TRHDE: variants seen among roughly 807,000 people sequenced by gnomAD.
The protein encoded by TRHDE is thyrotropin releasing hormone degrading enzyme.
TRHDE carries 72 observed loss-of-function variants against 125.7 expected under a neutral mutation model. The ratio of observed to expected loss-of-function variants is 0.57; its 90% CI spans 0.47 to 0.70. TRHDE has a LOEUF of 0.70. TRHDE is among the 30% of genes least tolerant of loss of function. TRHDE has a pLI of 0.00. For synonymous variants in TRHDE, 509 were observed against 509.1 expected (o/e 1.00, Z 0.00); for missense variants, 1,110 against 1,327.1 (o/e 0.84, Z 2.54).
chr12:72,118,742 G>A (rs1452635109), intron 2 of TRHDE, among the ~76,000 whole-genome samples: 1 of 152,114 alleles, frequency 6.6e-6, no homozygotes, highest in African/African-American at 2.4e-5. Context: ...TTACTGGTCT[G>A]TTCAGGTTTT....
chr12:72,612,538 G>C (rs559489399), intron 12 of TRHDE, among the ~76,000 whole-genome samples: 1 of 152,146 alleles, frequency 6.6e-6, no homozygotes, highest in South Asian at 2.1e-4. Flanking sequence ...CTACTCATTA[G>C]CCATGTGAGC....
intron 2 of TRHDE, among the ~76,000 whole-genome samples, chr12:72,371,912 T>A: frequency 6.6e-6 from 1 of 152,190 alleles, no homozygotes; most frequent in Non-Finnish European, 1.5e-5. Context: ...TTCCCAGTAA[T>A]GGGATGGCTG....
At chr12:72,224,086 CTATCCATCTATCT>C (rs1565666540) in intron 2 of TRHDE, among the ~76,000 whole-genome samples, 768 of 40,646 alleles carry the variant, frequency 0.019, 8 homozygotes, top group African/African-American at 0.081. Flanking sequence ...ATCCATCTAT[CTATCCATCTATCT>C]ATCTATCTAT....
chr12:72,347,174 A>G (rs927942183), intron 2 of TRHDE, among the ~76,000 whole-genome samples: 4 of 152,070 alleles, frequency 2.6e-5, no homozygotes, highest in Non-Finnish European at 4.4e-5. Context: ...TAGGACTTCA[A>G]TGTTTAGGTT....
At chr12:72,395,801 C>T (rs756888252) in intron 3 of TRHDE, among the ~76,000 whole-genome samples, 13 of 152,150 alleles carry the variant, frequency 8.5e-5, no homozygotes, top group Non-Finnish European at 1.8e-4. Context: ...TTCTACATTT[C>T]TGTAATTATT....
At chr12:72,629,733 C>T (rs1222920397) in intron 15 of TRHDE, among the ~76,000 whole-genome samples, 1 of 151,608 alleles carries the variant, frequency 6.6e-6, no homozygotes, top group African/African-American at 2.4e-5. Context: ...TCATTGCAAT[C>T]ATTGCCAACC....
chr12:72,320,756 T>C (rs1000680160), intron 2 of TRHDE, among the ~76,000 whole-genome samples: 2 of 152,128 alleles, frequency 1.3e-5, no homozygotes, highest in African/African-American at 2.4e-5. Flanking sequence ...GTATATTAGG[T>C]AAAGCTCTGG....
At chr12:72,358,766 A>G (rs1197320316) in intron 2 of TRHDE, among the ~76,000 whole-genome samples, 1 of 151,636 alleles carries the variant, frequency 6.6e-6, no homozygotes, top group Non-Finnish European at 1.5e-5. Flanking sequence ...ATCTTAATGG[A>G]AAAAGAGAAA....
chr12:72,140,465 C>G (rs1876087693), intron 2 of TRHDE: 1 of 150,480 alleles, frequency 6.6e-6, no homozygotes, highest in Non-Finnish European at 1.5e-5. Flanking sequence ...TCTTATATCT[C>G]CCTAAAATGT....
In TRHDE at chr12:72,272,527, C is replaced by A; in HGVS notation, c.-117C>A. 1 of 560,990 alleles carries A rather than the reference C, an allele frequency of 1.8e-6. No homozygotes were observed. The highest frequency in any genetic ancestry group is 3.1e-6 in the Non-Finnish European group (1 of 317,954). The allele number at this position is 560,990 out of a possible 1,614,324, so 34.8% of individuals were successfully genotyped here. A position where few individuals can be genotyped will look rare whatever the true frequency, so the allele number is the denominator to read the frequency against. On this transcript the variant is annotated 5_prime_UTR_variant, in exon 1 of 19. Coordinates refer to ENST00000261180, the MANE Select transcript of TRHDE (RefSeq NM_013381.3). The surrounding 1 kb of genome is among the most constrained non-coding windows in gnomAD (Gnocchi z 6.7). Reference sequence around the variant, plus strand: ...GTCTTAAAAGAACCCGGGCCAGCATCCCCAGTCGCGCGCCCTCGGCCCGCG... The same window carrying A: ...GTCTTAAAAGAACCCGGGCCAGCATACCCAGTCGCGCGCCCTCGGCCCGCG...
chr12:72,443,552 G>A (rs1301934091), intron 3 of TRHDE, among the ~76,000 whole-genome samples: 1 of 151,634 alleles, frequency 6.6e-6, no homozygotes, highest in East Asian at 1.9e-4. Context: ...GAAGTAAACT[G>A]GTTAAAAATA....
rs1393951360 is a variant in TRHDE, at chr12:72,516,945, T to C, written c.1722+17310T>C. ...TGGTTCTGTTTATATGCGGATTACA[T>C]TTATTGATTTGCATATATTGAACCA... On this transcript the variant is annotated intron_variant, in intron 6 of 18. Transcript: ENST00000261180. 2.6e-5 allele frequency among the ~76,000 whole-genome samples: 4 copies of C among 152,190 alleles called. No homozygotes were observed. The East Asian group carries it at 7.7e-4, about 29-fold the overall frequency.
At chr12:72,458,383 C>A (rs1029713833) in intron 3 of TRHDE, among the ~76,000 whole-genome samples, 2 of 152,088 alleles carry the variant, frequency 1.3e-5, no homozygotes, top group African/African-American at 4.8e-5. Context: ...GATTTTCTTT[C>A]CCCTTTTCAT....
Position 72,266,096 on chromosome 12 carries a change from G to A in TRHDE, n.280-111899G>A, listed in dbSNP as rs531377992. ...GCAGAATCTATCTGTAGTAAGCGAA[G>A]TTTTTAAGTGATAAACAATATTTTA... On this transcript the variant is annotated intron_variant and non_coding_transcript_variant, in intron 2 of 4. Transcript: ENST00000548156. Among the ~76,000 whole-genome samples, 6 of 152,078 alleles carry A rather than the reference G, an allele frequency of 3.9e-5. No homozygotes were observed. The South Asian group carries it at 1.0e-3, about 26-fold the overall frequency.
At chr12:72,530,000 T>C (rs1395440018) in intron 6 of TRHDE, among the ~76,000 whole-genome samples, 2 of 152,170 alleles carry the variant, frequency 1.3e-5, no homozygotes, top group Non-Finnish European at 2.9e-5. Context: ...TATAGGCCAA[T>C]GCCTCCACTC....
intron 6 of TRHDE, among the ~76,000 whole-genome samples, chr12:72,518,977 A>T (rs1247311157): frequency 6.6e-6 from 1 of 151,954 alleles, no homozygotes; most frequent in East Asian, 1.9e-4. Flanking sequence ...ATTGGCCCCC[A>T]CTCTCTTCTG....
chr12:72,491,508 C>A (rs558244291), intron 5 of TRHDE, among the ~76,000 whole-genome samples: 2 of 151,922 alleles, frequency 1.3e-5, no homozygotes, highest in Admixed American at 6.6e-5. Flanking sequence ...ATTTTGTGTT[C>A]TATCTTAGCA....
At chr12:72,224,461 A>G (rs995836411) in intron 2 of TRHDE, among the ~76,000 whole-genome samples, 4 of 152,120 alleles carry the variant, frequency 2.6e-5, no homozygotes, top group Non-Finnish European at 5.9e-5. Context: ...AATTTGCTCC[A>G]TATCACTAAC....
At chr12:72,591,322 T>A (rs1871669300) in intron 12 of TRHDE, among the ~76,000 whole-genome samples, 1 of 152,204 alleles carries the variant, frequency 6.6e-6, no homozygotes, top group South Asian at 2.1e-4. Context: ...TTTTTCTGCA[T>A]TACTCTACAT....
Sources: gnomAD v4.1 joint callset for allele counts (sites outside exome capture counted in the v4.1 genomes callset) on GRCh38, gnomAD v4.1.1 for gene constraint, Gnocchi (gnomAD v3.1) non-coding constraint, MANE v1.5 for transcripts, NCBI Gene and HGNC (gene_info 2026-07-23, HGNC 2026-07-21) for gene names.